IRF8: variants seen among roughly 807,000 people sequenced by gnomAD.
IRF8 encodes interferon regulatory factor 8.
A neutral mutation model predicts 48.7 loss-of-function variants in IRF8; 14 were observed. That is an observed-to-expected ratio of 0.29 (90% CI 0.19 to 0.45). The LOEUF (loss-of-function observed/expected upper bound fraction) is 0.45, where lower values mean the gene tolerates loss of function less well. Ranked by LOEUF, IRF8 falls within the 20% of genes least tolerant of loss-of-function variation. The pLI is 1.00. For missense variants in IRF8, 493 were observed against 580.7 expected (o/e 0.85, Z 1.55); for synonymous variants, 278 against 227.3 (o/e 1.22, Z -2.01).
At chr16:85,919,290 C>T (rs1409799424) in intron 7 of IRF8, among the ~76,000 whole-genome samples, 2 of 152,196 alleles carry the variant, frequency 1.3e-5, no homozygotes, top group East Asian at 3.8e-4. Context: ...TGCCTGTTAG[C>T]TTTCGTTACG....
chr16:85,921,027 C>A, intron 8 of IRF8, 79 bp from the exon 9 acceptor site: 1 of 1,446,784 alleles, frequency 6.9e-7, no homozygotes, highest in South Asian at 1.2e-5. Context: ...CATCAGAGGA[C>A]CTGGCTAGGG....
chr16:85,899,728 T>G (rs1201045518), intron 1 of IRF8, among the ~76,000 whole-genome samples: 2 of 152,198 alleles, frequency 1.3e-5, no homozygotes, highest in African/African-American at 4.8e-5. Context: ...GAGTCTGGCT[T>G]GAGGGCCTTT....
intron 3 of IRF8, among the ~76,000 whole-genome samples, chr16:85,910,317 T>G (rs1452600411): frequency 6.6e-6 from 1 of 152,198 alleles, no homozygotes. Flanking sequence ...AATTAGCACC[T>G]AACTCTACTG....
At chr16:85,906,267 C>T (rs954343879) in intron 2 of IRF8, among the ~76,000 whole-genome samples, 4 of 152,168 alleles carry the variant, frequency 2.6e-5, no homozygotes, top group African/African-American at 9.7e-5. Flanking sequence ...GTGCTGTCAG[C>T]CTGAGTTGTG....
intron 6 of IRF8, among the ~76,000 whole-genome samples, chr16:85,916,479 G>C (rs1302474049): frequency 2.0e-5 from 3 of 152,222 alleles, no homozygotes; most frequent in African/African-American, 7.2e-5. Flanking sequence ...CACCTTGGCA[G>C]CCCTTGGTGA....
intron 3 of IRF8, among the ~76,000 whole-genome samples, chr16:85,910,410 C>T (rs187473425): frequency 1.1e-4 from 16 of 152,268 alleles, no homozygotes; most frequent in African/African-American, 3.9e-4. Context: ...TAGGAGGAAA[C>T]CTCTATATAA....
At chr16:85,919,236 C>A (rs912188721) in intron 7 of IRF8, among the ~76,000 whole-genome samples, 4 of 152,188 alleles carry the variant, frequency 2.6e-5, no homozygotes, top group Admixed American at 1.3e-4. Context: ...CGCTGACTTT[C>A]CGCACACTAA....
At chr16:85,916,752 C>T (rs1905321553) in intron 6 of IRF8, among the ~76,000 whole-genome samples, 1 of 152,178 alleles carries the variant, frequency 6.6e-6, no homozygotes, top group African/African-American at 2.4e-5. Flanking sequence ...AAAGTTGCTT[C>T]AGGGTAAAGG....
intron 1 of IRF8, among the ~76,000 whole-genome samples, chr16:85,899,589 G>C (rs1597247372): frequency 6.6e-6 from 1 of 152,246 alleles, no homozygotes; most frequent in East Asian, 1.9e-4. Flanking sequence ...ATTCTACCAC[G>C]TGGAATAATG....
intron 5 of IRF8, chr16:85,914,117 C>T: frequency 2.9e-6 from 1 of 341,122 alleles, no homozygotes; most frequent in Non-Finnish European, 5.7e-6. Context: ...CCCCCAGGCT[C>T]TCCCCCAGAG....
At position 85,914,529 on chromosome 16, in the gene IRF8, T is replaced by C; in HGVS notation, c.601+9T>C. The C allele has an allele frequency of 6.2e-7, 1 of 1,613,976 alleles. No homozygotes were observed. The highest frequency in any genetic ancestry group is 1.1e-5 in the South Asian group (1 of 91,082). On this transcript the variant is annotated intron_variant, in intron 6 of 8. Transcript: ENST00000268638. ...CGACGCGCACCATTCAGGTACGGGGTGGTCCGGGCTGAGAGGGGCGTGGGC... is the reference window on the plus strand; with the variant it reads ...CGACGCGCACCATTCAGGTACGGGGCGGTCCGGGCTGAGAGGGGCGTGGGC...
intron 6 of IRF8, among the ~76,000 whole-genome samples, chr16:85,915,223 C>A (rs902473587): frequency 6.6e-6 from 1 of 152,240 alleles, no homozygotes; most frequent in African/African-American, 2.4e-5. Context: ...GCCAGCTGCC[C>A]CTGGAAGTGA....
chr16:85,904,810 A>ATTTTTTTTTTTTTTTTTTTTTT (rs1418168585), intron 2 of IRF8, among the ~76,000 whole-genome samples: 1 of 64,624 alleles, frequency 1.5e-5, no homozygotes, highest in Admixed American at 1.5e-4. Context: ...TTGATTGCAG[A>ATTTTTTTTTTTTTTTTTTTTTT]TCTTTTTTTT....
intron 1 of IRF8, chr16:85,902,661 C>T (rs1178337269): frequency 8.9e-6 from 3 of 336,602 alleles, no homozygotes; most frequent in Non-Finnish European, 1.7e-5. Flanking sequence ...TTCCCCCTCT[C>T]CTTCCAGTCT....
In IRF8 at chr16:85,921,616, A is replaced by G; in HGVS notation, c.*334A>G. 1 of 347,764 alleles carries G rather than the reference A, an allele frequency of 2.9e-6. No homozygotes were observed. The highest frequency in any genetic ancestry group is 7.1e-5 in the East Asian group (1 of 14,176). The allele number at this position is 347,764 out of a possible 1,614,324, so 21.5% of individuals were successfully genotyped here. ...ATTTCCAAAGACTTGTCATTCAGTA[A>G]TATTAGCAGATAGCTGCTTCGATAA... On this transcript the variant is annotated 3_prime_UTR_variant, in exon 9 of 9. Coordinates refer to ENST00000268638, the MANE Select transcript of IRF8 (RefSeq NM_002163.4).
chr16:85,918,370 C>G (rs772041171), intron 6 of IRF8, 47 bp from the exon 7 acceptor site: 67 of 1,581,990 alleles, frequency 4.2e-5, no homozygotes, highest in Non-Finnish European at 5.5e-5. Context: ...AGGAGGGACC[C>G]TGTATGTCTC....
intron 1 of IRF8, among the ~76,000 whole-genome samples, chr16:85,902,462 C>T (rs568166974): frequency 6.6e-6 from 1 of 152,332 alleles, no homozygotes; most frequent in Admixed American, 6.5e-5. Flanking sequence ...GTCTCATTCT[C>T]AAACTGCTGC....
rs375458441 is a variant in IRF8, at chr16:85,918,531, C to A, written c.716C>A (p.Thr239Asn). The A allele has an allele frequency of 1.9e-6, 3 of 1,600,602 alleles. No individual in the cohort carries two copies. The highest frequency in any genetic ancestry group is 2.5e-6 in the Non-Finnish European group (3 of 1,178,012). Residue 239 changes from threonine to asparagine, a missense_variant, in exon 7 of 9, where the codon ACC (threonine) becomes AAC (asparagine). Around this residue, in one of 3 missense-constraint regions of IRF8, gnomAD observed 408 missense variants for 449.6 expected, o/e 0.91. Coordinates refer to ENST00000268638, the MANE Select transcript of IRF8 (RefSeq NM_002163.4). The part of the protein sequence containing the change: ...LSLSQPGLPG[T>N]KLYGPEGLEL... Reference sequence around the variant, plus strand: ...CTGAGCCAGCCTGGGCTGCCCGGCACCAAGCTGTATGGGCCCGAGGGCCTG... The same window carrying A: ...CTGAGCCAGCCTGGGCTGCCCGGCAACAAGCTGTATGGGCCCGAGGGCCTG...
At chr16:85,905,103 C>T (rs914588136) in intron 2 of IRF8, among the ~76,000 whole-genome samples, 2 of 152,194 alleles carry the variant, frequency 1.3e-5, no homozygotes, top group East Asian at 1.9e-4. Flanking sequence ...ATGTCTTGGA[C>T]ATTGCCAAAT....
Sources: allele counts gnomAD v4.1 joint callset (sites outside exome capture counted in the v4.1 genomes callset), GRCh38; gene constraint gnomAD v4.1.1; regional missense constraint gnomAD v4.1.1; transcripts MANE v1.5; gene names NCBI Gene and HGNC (gene_info 2026-07-23, HGNC 2026-07-21).